CDH23: variants seen among roughly 807,000 people sequenced by gnomAD.
CDH23 encodes cadherin related 23, also known as cadherin-23.
In CDH23, 189 loss-of-function variants were observed where a neutral mutation model predicts 317.1. The ratio of observed to expected loss-of-function variants is 0.60; its 90% CI spans 0.53 to 0.67. The LOEUF is 0.67. Ranked by LOEUF, CDH23 falls within the 30% of genes least tolerant of loss-of-function variation. The pLI, the probability that CDH23 is intolerant of heterozygous loss-of-function variation, is 0.00. For missense variants in CDH23, 4,401 were observed against 4,592.4 expected (o/e 0.96, Z 1.20); for synonymous variants, 1,839 against 1,876.8 (o/e 0.98, Z 0.52).
chr10:71,520,861 C>A (rs1437093963), intron 6 of CDH23, among the ~76,000 whole-genome samples: 1 of 152,148 alleles, frequency 6.6e-6, no homozygotes, highest in Non-Finnish European at 1.5e-5. Context: ...TGGAGGCCCA[C>A]CACACAATAG....
chr10:71,513,757 G>A (rs903411607), intron 6 of CDH23, among the ~76,000 whole-genome samples: 23 of 152,192 alleles, frequency 1.5e-4, no homozygotes, highest in Non-Finnish European at 2.1e-4. Context: ...CTAGGGAGTT[G>A]AACCCAGCCC....
intron 9 of CDH23, among the ~76,000 whole-genome samples, chr10:71,598,861 A>T (rs1367019774): frequency 2.0e-5 from 3 of 152,256 alleles, no homozygotes; most frequent in Non-Finnish European, 2.9e-5. Context: ...GGCTGGGCTC[A>T]TTCATCAAGC....
At chr10:71,743,323 G>T (rs1185452291) in intron 38 of CDH23, among the ~76,000 whole-genome samples, 1 of 152,226 alleles carries the variant, frequency 6.6e-6, no homozygotes, top group Non-Finnish European at 1.5e-5. Context: ...CTCATAGCAG[G>T]TTAGACCTCT....
At chr10:71,650,404 G>T (rs892199978) in intron 14 of CDH23, among the ~76,000 whole-genome samples, 1 of 152,220 alleles carries the variant, frequency 6.6e-6, no homozygotes, top group African/African-American at 2.4e-5. Flanking sequence ...ATGTGCGGGG[G>T]TGCATATGTG....
At chr10:71,478,409 C>T (rs1433355803) in intron 3 of CDH23, among the ~76,000 whole-genome samples, 1 of 152,216 alleles carries the variant, frequency 6.6e-6, no homozygotes, top group African/African-American at 2.4e-5. Context: ...CTTCCTCAGC[C>T]TCCTGATGAT....
At chr10:71,421,385 G>A (rs570802920) in intron 1 of CDH23, among the ~76,000 whole-genome samples, 1 of 152,228 alleles carries the variant, frequency 6.6e-6, no homozygotes, top group Non-Finnish European at 1.5e-5. Flanking sequence ...GAGTGGGTGG[G>A]GGCATATGAG....
At chr10:71,403,933 C>T (rs1036376886) in intron 1 of CDH23, among the ~76,000 whole-genome samples, 4 of 152,110 alleles carry the variant, frequency 2.6e-5, no homozygotes, top group Admixed American at 6.5e-5. Flanking sequence ...CTACTAAAAA[C>T]GTAAAACATT....
intron 48 of CDH23, chr10:71,796,837 C>A (rs981855698): frequency 2.8e-6 from 1 of 356,382 alleles, no homozygotes; most frequent in Non-Finnish European, 5.3e-6. Context: ...GTGTAATTAT[C>A]TAGTTTTACA....
chr10:71,585,805 C>A (rs758260217), intron 9 of CDH23, among the ~76,000 whole-genome samples: 1 of 152,216 alleles, frequency 6.6e-6, no homozygotes, highest in Non-Finnish European at 1.5e-5. Flanking sequence ...TAGCCATGCT[C>A]ATGATTCCCT....
Position 71,812,561 on chromosome 10 carries a change from G to A in CDH23, c.9462G>A (p.Glu3154=). The A allele has an allele frequency of 6.2e-7, 1 of 1,613,942 alleles. No individual in the cohort carries two copies. The highest frequency in any genetic ancestry group is 8.5e-7 in the Non-Finnish European group (1 of 1,179,894). The change falls in exon 67 of 70, where the codon GAG becomes GAA. Residue 3154 remains glutamate, a synonymous_variant. Coordinates refer to ENST00000224721, the MANE Select transcript of CDH23 (RefSeq NM_022124.6). ...CGGAGCATGAGGATGACCTACCGGA[G>A]AACCTGAGTGAGATCGCCGACCTGT... The part of the protein sequence containing the change: ...AQAEHEDDLP[E]NLSEIADLWN...
intron 3 of CDH23, among the ~76,000 whole-genome samples, chr10:71,499,255 T>C (rs750866415): frequency 2.0e-5 from 3 of 151,458 alleles, no homozygotes; most frequent in African/African-American, 2.4e-5. Flanking sequence ...GGGGAGAGAG[T>C]GAAAGAGGGG....
chr10:71,654,044 G>A (rs545419768), intron 14 of CDH23, among the ~76,000 whole-genome samples: 63 of 152,248 alleles, frequency 4.1e-4, no homozygotes, highest in African/African-American at 1.4e-3. Flanking sequence ...GCTCAACCCC[G>A]GGAAGCCAAC....
At chr10:71,720,001 G>A (rs1276227566) in intron 28 of CDH23, among the ~76,000 whole-genome samples, 2 of 152,248 alleles carry the variant, frequency 1.3e-5, no homozygotes, top group African/African-American at 2.4e-5. Flanking sequence ...GGGAGACGCA[G>A]GGGGAGGGTT....
rs889721196 is a variant in CDH23 at position 71,446,451 on chromosome 10, C to A, written c.145+56C>A. On this transcript the variant is annotated intron_variant, in intron 3 of 69. Transcript: ENST00000224721. ...AGATGGCCTGGGGTGCAATCCCTTC[C>A]CACAAGTGAAGGGGATCTTACAGGT... 1.1e-5 allele frequency: 16 copies of A among 1,502,638 alleles called. No individual in the cohort carries two copies. In the African/African-American group the frequency reaches 2.2e-4, roughly 21 times the overall value. The allele number at this position is 1,502,638 out of a possible 1,614,324, so 93.1% of individuals were successfully genotyped here.
intron 38 of CDH23, chr10:71,755,236 C>A: frequency 1.1e-6 from 1 of 933,762 alleles, no homozygotes; most frequent in East Asian, 2.7e-5. Context: ...GCAGCTGCTC[C>A]CAACTCTCAA....
At chr10:71,420,445 T>TGATGATG (rs1848716750) in intron 1 of CDH23, among the ~76,000 whole-genome samples, 2 of 26,708 alleles carry the variant, frequency 7.5e-5, no homozygotes, top group Non-Finnish European at 1.4e-4. Context: ...TGATGGTCAT[T>TGATGATG]ATGATGGTGA....
Position 71,682,505 on chromosome 10 carries a change from C to T in CDH23, c.1919C>T (p.Thr640Met), listed in dbSNP as rs199796910. 1.5e-4 allele frequency: 244 copies of T among 1,613,374 alleles called. No homozygotes were observed. Among genetic ancestry groups the T allele is most frequent in the Middle Eastern group, 4.9e-4 (3 of 6,062 alleles). ...ATATCCAATGGGCTGATTTATCTGA[C>T]GGTCATGGCCATGGATGCTGGCAAC... ...EQISNGLIYL[T>M]VMAMDAGNPP... Residue 640 changes from threonine (T) to methionine (M), a missense_variant, in exon 18 of 70, where the codon ACG becomes ATG. By Grantham distance (81) the Thr-to-Met change is moderately conservative (BLOSUM62 -1). Coordinates refer to ENST00000224721, the MANE Select transcript of CDH23 (RefSeq NM_022124.6).
chr10:71,401,497 C>T (rs574607629), intron 1 of CDH23, among the ~76,000 whole-genome samples: 4 of 152,296 alleles, frequency 2.6e-5, no homozygotes, highest in South Asian at 2.1e-4. Context: ...ACACACCAAC[C>T]GTTTGCTGTG....
At chr10:71,673,742 G>A (rs976719091) in intron 14 of CDH23, among the ~76,000 whole-genome samples, 11 of 152,210 alleles carry the variant, frequency 7.2e-5, no homozygotes, top group Admixed American at 3.9e-4. Context: ...ATTGGAGGTG[G>A]TGCTAATAAT....
Sources: allele counts gnomAD v4.1 joint callset (sites outside exome capture counted in the v4.1 genomes callset), GRCh38; gene constraint gnomAD v4.1.1; transcripts MANE v1.5; gene names NCBI Gene and HGNC (gene_info 2026-07-23, HGNC 2026-07-21).